Variants in AMT observed in about 807,000 individuals in gnomAD.
The protein encoded by AMT is aminomethyltransferase, also known as aminomethyltransferase, mitochondrial.
In AMT, 24 loss-of-function variants were observed where a neutral mutation model predicts 39.5. That is an observed-to-expected ratio of 0.61 (90% CI 0.44 to 0.86). AMT has a LOEUF of 0.86. Ranked by LOEUF, AMT falls within the 40% of genes least tolerant of loss-of-function variation. The probability of loss-of-function intolerance (pLI) is 0.00; values close to 1 mark genes in which losing one functional copy is unlikely to be tolerated. For synonymous variants in AMT, 210 were observed against 212.1 expected, an observed-to-expected ratio of 0.99 and a Z score of 0.09; for missense variants, 501 against 537.0, an observed-to-expected ratio of 0.93 and a Z score of 0.66.
chr3:49,421,743 T>C, intron 2 of AMT, 171 bp from the exon 3 acceptor site: 1 of 704,962 alleles, frequency 1.4e-6, no homozygotes, highest in Admixed American at 2.0e-5. Context: ...TTTCCTGACC[T>C]CCCCCAGTCA....
intron 3 of AMT, chr3:49,421,244 G>A (rs2049097281): frequency 1.9e-6 from 1 of 528,856 alleles, no homozygotes; most frequent in Non-Finnish European, 3.4e-6. Context: ...TTAAGCAGAA[G>A]GGATGGCCAG....
At chr3:49,418,285 C>T in intron 7 of AMT, 1 of 402,672 alleles carries the variant, frequency 2.5e-6, no homozygotes, top group South Asian at 2.4e-5. Context: ...CAGGTTCAAG[C>T]AATTTACCTG....
chr3:49,421,977 A>AT, intron 2 of AMT, 127 bp downstream of exon 2: 1 of 1,363,400 alleles, frequency 7.3e-7, no homozygotes, highest in Non-Finnish European at 1.0e-6. Context: ...TGACACCCCC[A>AT]TGACCTCTAG....
In AMT at chr3:49,418,964, A is replaced by C. The variant is rs2107931324; in HGVS notation, c.877+7T>G. 6 of 1,613,702 alleles carry C rather than the reference A, an allele frequency of 3.7e-6. No individual in the cohort carries two copies. The highest frequency in any genetic ancestry group is 5.1e-6 in the Non-Finnish European group (6 of 1,179,966). On this transcript the variant is annotated splice_region_variant and intron_variant, in intron 7 of 8. Transcript: ENST00000273588. ...GGACCCTATCCTTTAGTGCTGGCCC[A>C]GCTCACCCAGTGTCCAACTGAGGCT... is the stretch of plus-strand genomic sequence containing the variant.
Position 49,422,441 on chromosome 3 carries a change from C to G in AMT, c.10G>C (p.Ala4Pro), listed in dbSNP as rs753829515. 1 of 1,613,284 alleles carries G rather than the reference C, an allele frequency of 6.2e-7. No homozygotes were observed. The change falls in exon 1 of 9, where the codon GCT becomes CCT. Residue 4 changes from alanine (A) to proline (P), a missense_variant. Ala to Pro is a conservative substitution (Grantham distance 27). Transcript: ENST00000273588. MQR[A>P]VSVVARLGFR... ...CCCAGACGGGCCACCACACTTACAG[C>G]CCTCTGCATCGTCGCCTGCAACGAG...
Position 49,417,477 on chromosome 3 carries a change from TTC to T in AMT, c.*61_*62del. ...CACCCCCAGTGAGTTCTGCCTCAGC[TTC>T]TTGACTAACCCCTTGTAGGGGCAAA... On this transcript the variant is annotated 3_prime_UTR_variant, in exon 9 of 9. Coordinates refer to ENST00000273588, the MANE Select transcript of AMT (RefSeq NM_000481.4). 6.2e-7 allele frequency: 1 copy of T among 1,614,070 alleles called. No homozygotes were observed. The highest frequency in any genetic ancestry group is 1.6e-4 in the Middle Eastern group (1 of 6,062).
intron 5 of AMT, 77 bp downstream of exon 5, chr3:49,419,633 G>T: frequency 2.0e-6 from 3 of 1,501,128 alleles, no homozygotes; most frequent in African/African-American, 1.4e-5. Context: ...CATTCTTCTT[G>T]GTATGGCCTC....
chr3:49,418,490 G>GTTTCTT, intron 7 of AMT: 1 of 89,388 alleles, frequency 1.1e-5, no homozygotes, highest in Non-Finnish European at 2.2e-5. Flanking sequence ...AGCATCTTCA[G>GTTTCTT]TTTCTTTTTT....
rs1278265933 is a variant in AMT, at chr3:49,417,863, TG to T, written c.987del (p.Met330CysfsTer8). On this transcript the variant is annotated frameshift_variant, in exon 8 of 9. Coordinates refer to ENST00000273588, the MANE Select transcript of AMT (RefSeq NM_000481.4). LOFTEE classifies it high-confidence loss of function. ...RRVGLMCEGAPMRAHSPILNM... is the reference protein window; with the variant it reads ...RRVGLMCEGAXMRAHSPILNM... ...TTCAGGATGGGACTGTGTGCCCGCA[TG>T]GGGGCCCCCTCACACATCAACCCCA... The T allele has an allele frequency of 2.5e-6, 4 of 1,613,932 alleles. No individual in the cohort carries two copies. The highest frequency in any genetic ancestry group is 3.4e-6 in the Non-Finnish European group (4 of 1,180,016).
intron 7 of AMT, chr3:49,418,356 T>C: frequency 6.4e-6 from 2 of 311,578 alleles, no homozygotes; most frequent in South Asian, 3.0e-5. Context: ...CTAATTTTTA[T>C]ATTTTCAGTA....
At position 49,419,244 on chromosome 3, in the gene AMT, C is replaced by T. The variant is rs1173287170; in HGVS notation, c.696+16G>A. The T allele has an allele frequency of 6.2e-7, 1 of 1,614,142 alleles. No homozygotes were observed. Among genetic ancestry groups the T allele is most frequent in the Non-Finnish European group, 8.5e-7 (1 of 1,180,030 alleles). On this transcript the variant is annotated intron_variant, in intron 6 of 8. Transcript: ENST00000273588. The stretch of plus-strand genomic sequence containing the variant: ...TCCTGTGCCCTGTACTGCCCCCACA[C>T]CACTTCTTGACACACCTCCACACCA...
intron 7 of AMT, 194 bp from the exon 8 acceptor site, chr3:49,418,167 C>G: frequency 3.1e-6 from 2 of 647,846 alleles, no homozygotes; most frequent in South Asian, 3.8e-5. Context: ...TGCTGCCCAC[C>G]TGCCGAGCGT....
In AMT at chr3:49,421,500, G is replaced by A; in HGVS notation, c.331C>T (p.Pro111Ser). The A allele has an allele frequency of 1.2e-6, 2 of 1,613,952 alleles. No individual in the cohort carries two copies. Among genetic ancestry groups the A allele is most frequent in the East Asian group, 2.2e-5 (1 of 44,880 alleles). The change falls in exon 3 of 9, where the codon CCA (proline) becomes TCA (serine). Residue 111 changes from proline (P) to serine (S), a missense_variant. Coordinates refer to ENST00000273588, the MANE Select transcript of AMT (RefSeq NM_000481.4). ...LVVGDIAELR[P>S]NQGTLSLFTN... ...GAAATAAAAGGGCCCACCTGGTTTG[G>A]TCTTAGCTCTGCAATGTCTCCAACC...
intron 2 of AMT, 120 bp from the exon 3 acceptor site, chr3:49,421,692 C>T (rs554829501): frequency 7.7e-6 from 7 of 903,804 alleles, no homozygotes; most frequent in Non-Finnish European, 1.3e-5. Context: ...AGTGACTAAC[C>T]AGTCTTTTGG....
Position 49,417,983 on chromosome 3 carries a change from G to A in AMT, c.878-10C>T. 1 of 1,600,896 alleles carries A rather than the reference G, an allele frequency of 6.2e-7. No individual in the cohort carries two copies. The highest frequency in any genetic ancestry group is 8.5e-7 in the Non-Finnish European group (1 of 1,174,580). ...GCTCGGCGGCGCTTCCCTGGAGAAT[G>A]ACACATGAGACATAAGCCACAGCCC... On this transcript the variant is annotated splice_polypyrimidine_tract_variant and intron_variant, in intron 7 of 8. Transcript: ENST00000273588.
chr3:49,418,007 C>CT, intron 7 of AMT, 34 bp from the exon 8 acceptor site: 1 of 1,580,188 alleles, frequency 6.3e-7, no homozygotes, highest in East Asian at 2.3e-5. Context: ...AAGCCACAGC[C>CT]CATAGAAGCC....
At chr3:49,420,166 T>C (rs2049074244) in intron 4 of AMT, 45 bp downstream of exon 4, 2 of 1,613,560 alleles carry the variant, frequency 1.2e-6, no homozygotes, top group Non-Finnish European at 1.7e-6. Flanking sequence ...GATACTGCTC[T>C]ATGAACAAGG....
chr3:49,421,872 G>T, intron 2 of AMT: 1 of 728,092 alleles, frequency 1.4e-6, no homozygotes, highest in South Asian at 1.5e-5. Context: ...TGGAAAACCC[G>T]GGACATTAAG....
intron 2 of AMT, 115 bp downstream of exon 2, chr3:49,421,989 T>C: frequency 6.8e-7 from 1 of 1,465,994 alleles, no homozygotes; most frequent in South Asian, 1.1e-5. Context: ...GACCTCTAGC[T>C]CTTCTGAGAA....
Sources: gnomAD v4.1 joint callset for allele counts on GRCh38, gnomAD v4.1.1 for gene constraint, MANE v1.5 for transcripts, NCBI Gene and HGNC (gene_info 2026-07-23, HGNC 2026-07-21) for gene names.